NUP35: variants seen among roughly 807,000 people sequenced by gnomAD.
NUP35 encodes nucleoporin 35, also known as nucleoporin NUP35.
In NUP35, 25 loss-of-function variants were observed where a neutral mutation model predicts 41.5. The ratio of observed to expected loss-of-function variants is 0.60; its 90% CI spans 0.44 to 0.84. NUP35 has a LOEUF of 0.84. Among genes scored for constraint, NUP35 ranks in the 40% least tolerant of loss-of-function variants. The pLI, the probability that NUP35 is intolerant of heterozygous loss-of-function variation, is 0.00. For synonymous variants in NUP35, 149 were observed against 130.7 expected, an observed-to-expected ratio of 1.14 and a Z score of -0.96; for missense variants, 396 against 396.6, an observed-to-expected ratio of 1.00 and a Z score of 0.01.
At chr2:183,159,455 A>T in intron 7 of NUP35, 33 bp from the exon 8 acceptor site, 1 of 1,576,580 alleles carries the variant, frequency 6.3e-7, no homozygotes, top group African/African-American at 1.4e-5. Context: ...TATTATGTTT[A>T]TAAACAAAGG....
At chr2:183,151,868 C>G (rs1181789317) in intron 5 of NUP35, among the ~76,000 whole-genome samples, 1 of 152,110 alleles carries the variant, frequency 6.6e-6, no homozygotes, top group Admixed American at 6.5e-5. Context: ...TTGTAGACAT[C>G]AATACATATT....
intron 4 of NUP35, among the ~76,000 whole-genome samples, chr2:183,135,896 G>A (rs925207204): frequency 2.8e-4 from 43 of 151,206 alleles, no homozygotes; most frequent in African/African-American, 9.2e-4. Context: ...AAAAAAAAAA[G>A]CACGCAAAAA....
At chr2:183,135,612 GT>G (rs1301642088) in intron 4 of NUP35, among the ~76,000 whole-genome samples, 1 of 152,200 alleles carries the variant, frequency 6.6e-6, no homozygotes, top group Non-Finnish European at 1.5e-5. Flanking sequence ...AGCAATCTAG[GT>G]GAGAGATGAT....
chr2:183,131,842 C>A (rs893975522), intron 3 of NUP35, among the ~76,000 whole-genome samples: 20 of 152,160 alleles, frequency 1.3e-4, no homozygotes, highest in African/African-American at 4.8e-4. Context: ...GGTAAAATTA[C>A]ACGTATGGAA....
At position 183,133,551 on chromosome 2, in the gene NUP35, CT is replaced by C. The variant is rs1249699818; in HGVS notation, c.340-13del. 6.3e-7 allele frequency: 1 copy of C among 1,594,638 alleles called. No individual in the cohort carries two copies. The highest frequency in any genetic ancestry group is 8.5e-7 in the Non-Finnish European group (1 of 1,171,238). On this transcript the variant is annotated splice_polypyrimidine_tract_variant and intron_variant, in intron 3 of 8. Coordinates refer to ENST00000295119, the MANE Select transcript of NUP35 (RefSeq NM_138285.5). ...TTTTGCATTTTTACCATAACACTTTCTTCTGTTTGTGTAGCCAAACATTTCA... is the reference window on the plus strand; with the variant it reads ...TTTTGCATTTTTACCATAACACTTTCTCTGTTTGTGTAGCCAAACATTTCA...
At chr2:183,156,287 A>G (rs1243367484) in intron 5 of NUP35, among the ~76,000 whole-genome samples, 1 of 152,132 alleles carries the variant, frequency 6.6e-6, no homozygotes, top group Non-Finnish European at 1.5e-5. Flanking sequence ...ATTTTATACA[A>G]ATGAATTTTC....
Position 183,137,426 on chromosome 2 carries a change from A to T in NUP35, c.397+3803A>T, listed in dbSNP as rs539910034. On this transcript the variant is annotated intron_variant, in intron 4 of 8. Coordinates refer to ENST00000295119, the MANE Select transcript of NUP35 (RefSeq NM_138285.5). ...GAGATGCCTGTCTGTACAAAAAAAAATTTTTTAAATTAGCCTGGCATGGTG... is the reference window on the plus strand; with the variant it reads ...GAGATGCCTGTCTGTACAAAAAAAATTTTTTTAAATTAGCCTGGCATGGTG... 2.3e-3 allele frequency among the ~76,000 whole-genome samples: 343 copies of T among 152,172 alleles called. 1 individual carries two copies. The highest frequency in any genetic ancestry group is 6.8e-3 in the Middle Eastern group (2 of 294).
intron 4 of NUP35, among the ~76,000 whole-genome samples, chr2:183,134,410 G>T (rs963472155): frequency 2.6e-5 from 4 of 152,104 alleles, no homozygotes; most frequent in South Asian, 2.1e-4. Context: ...GGGGGAGGGG[G>T]TAGAGACTTA....
Position 183,133,638 on chromosome 2 carries a change from C to CTTTTT in NUP35, c.397+28_397+32dup. 3.0e-6 allele frequency: 4 copies of CTTTTT among 1,343,226 alleles called. No homozygotes were observed. The highest frequency in any genetic ancestry group is 3.0e-6 in the Non-Finnish European group (3 of 1,010,118). 83.2% of individuals were successfully genotyped at this position (1,343,226 alleles called of 1,614,324 possible). A position where few individuals can be genotyped will look rare whatever the true frequency, so the allele number is the denominator to read the frequency against. On this transcript the variant is annotated intron_variant, in intron 4 of 8. Coordinates refer to ENST00000295119, the MANE Select transcript of NUP35 (RefSeq NM_138285.5). ...TCCTGGAACAGGTAAGTGATTCTTTCTTTTTTTTTTTTTTTTTAAAAGACA... is the reference window on the plus strand; with the variant it reads ...TCCTGGAACAGGTAAGTGATTCTTTCTTTTTTTTTTTTTTTTTTTTTTAAAAGACA...
chr2:183,124,454 C>T lies in NUP35; in HGVS notation c.-4C>T, dbSNP rs370324066. 3.7e-6 allele frequency: 6 copies of T among 1,614,030 alleles called. No individual in the cohort carries two copies. Among genetic ancestry groups the T allele is most frequent in the South Asian group, 1.1e-5 (1 of 91,086 alleles). On this transcript the variant is annotated 5_prime_UTR_variant, in exon 1 of 9. In the 5' UTR this introduces an upstream ATG that the reference lacks. Transcript: ENST00000295119. ...TACTGGTTTTAAGTGTAGTTGCCGA[C>T]GCAATGGCAGCCTTTGCAGTGGAAC...
chr2:183,151,525 C>T lies in NUP35; in HGVS notation c.415C>T (p.Pro139Ser). Residue 139 changes from proline to serine, a missense_variant, in exon 5 of 9, where the codon CCA becomes TCA. Coordinates refer to ENST00000295119, the MANE Select transcript of NUP35 (RefSeq NM_138285.5). ...TAATATAGGGCAAAGTATGTTTAGTCCAGCAAGTATCGGTCAGCCACGAAA... is the reference window on the plus strand; with the variant it reads ...TAATATAGGGCAAAGTATGTTTAGTTCAGCAAGTATCGGTCAGCCACGAAA... Reference protein sequence around the residue: ...TPGTGQSMFSPASIGQPRKTT... With the variant: ...TPGTGQSMFSSASIGQPRKTT... The T allele has an allele frequency of 6.2e-7, 1 of 1,613,908 alleles. No homozygotes were observed. Among genetic ancestry groups the T allele is most frequent in the South Asian group, 1.1e-5 (1 of 91,070 alleles).
intron 7 of NUP35, among the ~76,000 whole-genome samples, chr2:183,158,944 A>G (rs935959387): frequency 6.6e-6 from 1 of 152,150 alleles, no homozygotes; most frequent in African/African-American, 2.4e-5. Context: ...TTGTTAAATC[A>G]TTGTGAACAT....
At chr2:183,153,914 C>T (rs901858358) in intron 5 of NUP35, among the ~76,000 whole-genome samples, 2 of 152,232 alleles carry the variant, frequency 1.3e-5, no homozygotes, top group Non-Finnish European at 2.9e-5. Flanking sequence ...TTTGCCTGGG[C>T]ATCCAGGTAT....
At chr2:183,134,399 G>A (rs2705727) in intron 4 of NUP35, among the ~76,000 whole-genome samples, 4,939 of 152,012 alleles carry the variant, frequency 0.032, 96 homozygotes, top group Non-Finnish European at 0.043. Context: ...AGCAGCAAAG[G>A]GGGGGAGGGG....
intron 4 of NUP35, among the ~76,000 whole-genome samples, chr2:183,147,673 C>T (rs974918170): frequency 1.3e-5 from 2 of 152,106 alleles, no homozygotes; most frequent in African/African-American, 4.8e-5. Context: ...GCTCTTCTTG[C>T]TTCCCTGTGA....
Position 183,161,241 on chromosome 2 carries a change from CTT to C in NUP35, c.*111_*112del, listed in dbSNP as rs1306726299. 3.0e-6 allele frequency: 2 copies of C among 659,010 alleles called. No homozygotes were observed. Among genetic ancestry groups the C allele is most frequent in the African/African-American group, 3.7e-5 (2 of 54,714 alleles). The allele number at this position is 659,010 out of a possible 1,614,324, so 40.8% of individuals were successfully genotyped here. A position where few individuals can be genotyped will look rare whatever the true frequency, so the allele number is the denominator to read the frequency against. ...TGCAGTATTGGATAGCTATCTCATACTTCTTTTAGAAAGAAGCCTTTTTCATT... is the reference window on the plus strand; with the variant it reads ...TGCAGTATTGGATAGCTATCTCATACCTTTTAGAAAGAAGCCTTTTTCATT... On this transcript the variant is annotated 3_prime_UTR_variant, in exon 9 of 9. Transcript: ENST00000295119.
chr2:183,125,286 C>T (rs1003702904), intron 1 of NUP35, among the ~76,000 whole-genome samples: 7 of 151,596 alleles, frequency 4.6e-5, no homozygotes, highest in Non-Finnish European at 1.0e-4. Flanking sequence ...TCTTTTTTTC[C>T]TGCTGAGTTT....
chr2:183,152,198 A>T (rs1025760192), intron 5 of NUP35, among the ~76,000 whole-genome samples: 5 of 52,296 alleles, frequency 9.6e-5, no homozygotes, highest in African/African-American at 2.2e-4. Context: ...AGTATTGAAT[A>T]TTAATAGAAA....
At chr2:183,145,666 A>G (rs1488466843) in intron 4 of NUP35, among the ~76,000 whole-genome samples, 2 of 152,208 alleles carry the variant, frequency 1.3e-5, no homozygotes, top group East Asian at 3.8e-4. Flanking sequence ...ATGAACCTTA[A>G]CACAAGACTT....
Sources: gnomAD v4.1 joint callset for allele counts (sites outside exome capture counted in the v4.1 genomes callset) on GRCh38, gnomAD v4.1.1 for gene constraint, MANE v1.5 for transcripts, NCBI Gene and HGNC (gene_info 2026-07-23, HGNC 2026-07-21) for gene names.